The following DIP2A variants were observed in gnomAD, a reference collection of about 807,000 sequenced individuals.
DIP2A encodes the protein DIP2 acetate--CoA ligase A, also known as disco-interacting protein 2 homolog A.
Under a neutral mutation model 177.4 loss-of-function variants are expected in DIP2A, and 85 were observed. The ratio of observed to expected loss-of-function variants is 0.48; its 90% CI spans 0.40 to 0.57. DIP2A has a LOEUF of 0.57. Ranked by LOEUF, DIP2A falls within the 20% of genes least tolerant of loss-of-function variation. DIP2A has a pLI of 0.00. For missense variants in DIP2A, 1,791 were observed against 2,100.2 expected, an observed-to-expected ratio of 0.85 and a Z score of 2.88; for synonymous variants, 886 against 881.8, an observed-to-expected ratio of 1.00 and a Z score of -0.08.
At chr21:46,479,249 A>C (rs1323467823) in intron 1 of DIP2A, among the ~76,000 whole-genome samples, 1 of 152,184 alleles carries the variant, frequency 6.6e-6, no homozygotes, top group Admixed American at 6.5e-5. Flanking sequence ...CACTTCTGTA[A>C]TGTCTTCAGA....
At chr21:46,479,885 C>G (rs1277546889) in intron 1 of DIP2A, among the ~76,000 whole-genome samples, 1 of 152,082 alleles carries the variant, frequency 6.6e-6, no homozygotes, top group Non-Finnish European at 1.5e-5. Flanking sequence ...TGTATTAGAT[C>G]TGTATATTTA....
Position 46,537,143 on chromosome 21 carries a change from C to T in DIP2A, c.1643-81C>T. The T allele has an allele frequency of 7.2e-7, 1 of 1,380,806 alleles. No homozygotes were observed. The highest frequency in any genetic ancestry group is 1.2e-5 in the South Asian group (1 of 86,140). The allele number at this position is 1,380,806 out of a possible 1,614,324, so 85.5% of individuals were successfully genotyped here. A position where few individuals can be genotyped will look rare whatever the true frequency, so the allele number is the denominator to read the frequency against. On this transcript the variant is annotated intron_variant, in intron 13 of 37. Coordinates refer to ENST00000417564, the MANE Select transcript of DIP2A (RefSeq NM_015151.4). The surrounding 1 kb of genome is among the most constrained non-coding windows in gnomAD (Gnocchi z 4.1). The stretch of plus-strand genomic sequence containing the variant: ...GAAACTTACATGTTGATGACGTACT[C>T]ACCTCAGAATTTCTCTAGAAAATGC...
At chr21:46,523,393 A>ATTTTTTTTTTT (rs61370008) in intron 8 of DIP2A, among the ~76,000 whole-genome samples, 840 of 89,918 alleles carry the variant, frequency 9.3e-3, no homozygotes, top group Non-Finnish European at 0.011. Context: ...CGCCTGGCTA[A>ATTTTTTTTTTT]TTTTTTTTTT....
chr21:46,566,943 C>T (rs2060855131), intron 37 of DIP2A, among the ~76,000 whole-genome samples: 1 of 152,266 alleles, frequency 6.6e-6, no homozygotes, highest in Non-Finnish European at 1.5e-5. Context: ...CAGAGCACAC[C>T]TCACTGCCTG....
At chr21:46,496,303 C>T (rs1419629375) in intron 3 of DIP2A, among the ~76,000 whole-genome samples, 1 of 152,144 alleles carries the variant, frequency 6.6e-6, no homozygotes, top group East Asian at 1.9e-4. Context: ...CCATATCCCA[C>T]AGGACTCACG....
intron 8 of DIP2A, among the ~76,000 whole-genome samples, chr21:46,514,419 G>A (rs187705746): frequency 4.8e-5 from 7 of 145,808 alleles, no homozygotes; most frequent in African/African-American, 1.8e-4. Flanking sequence ...CTGGGCGACA[G>A]AGCAAGACTC....
chr21:46,535,623 G>T (rs2148781355), intron 13 of DIP2A, among the ~76,000 whole-genome samples: 1 of 152,252 alleles, frequency 6.6e-6, no homozygotes, highest in East Asian at 1.9e-4. Context: ...TAAAAGCAAG[G>T]GTATAAGTTG....
intron 1 of DIP2A, among the ~76,000 whole-genome samples, chr21:46,480,503 C>T (rs2056272017): frequency 6.6e-6 from 1 of 152,078 alleles, no homozygotes; most frequent in South Asian, 2.1e-4. Flanking sequence ...ATTGTTTCCT[C>T]CTGCTCTGTG....
downstream of DIP2A, among the ~76,000 whole-genome samples, chr21:46,572,399 A>T (rs2148935196): frequency 6.6e-6 from 1 of 152,338 alleles, no homozygotes; most frequent in South Asian, 2.1e-4. Flanking sequence ...ACTTACACCC[A>T]AAATAACTTT....
intron 8 of DIP2A, among the ~76,000 whole-genome samples, chr21:46,525,000 A>G (rs1238527896): frequency 1.7e-4 from 24 of 144,860 alleles, no homozygotes; most frequent in Admixed American, 1.7e-3. Flanking sequence ...ATTATTACGC[A>G]TCAGCCTCCC....
chr21:46,459,904 T>C (rs898267616), intron 1 of DIP2A, among the ~76,000 whole-genome samples: 6 of 151,972 alleles, frequency 3.9e-5, no homozygotes, highest in Non-Finnish European at 7.4e-5. Flanking sequence ...TGACCACTTT[T>C]GCCCCAAGCT....
chr21:46,577,113 A>C, the DIP2A span, among the ~76,000 whole-genome samples: 1 of 152,164 alleles, frequency 6.6e-6, no homozygotes, highest in African/African-American at 2.4e-5. Context: ...TTTGCTGTGC[A>C]GAGGCTCTTC....
intron 32 of DIP2A, chr21:46,559,206 C>A (rs1174841070): frequency 1.3e-5 from 2 of 151,944 alleles, no homozygotes; most frequent in African/African-American, 4.8e-5. Context: ...CAGCTGTTGC[C>A]CAGATTTTGT....
intron 4 of DIP2A, among the ~76,000 whole-genome samples, chr21:46,497,675 C>T (rs1351141455): frequency 6.6e-6 from 1 of 152,172 alleles, no homozygotes; most frequent in Non-Finnish European, 1.5e-5. Context: ...CTAATGACTT[C>T]ACATTCATGA....
At position 46,563,581 on chromosome 21, in the gene DIP2A, AT is replaced by A. The variant is rs2060740085; in HGVS notation, c.4090-275del. ...CAGGTGCGCTGGCATCACCTGGCTG[AT>A]TGTCTTTGTAGGCTTAGTGACCCTC... On this transcript the variant is annotated intron_variant, in intron 34 of 37. Transcript: ENST00000417564. This position sits in a 1 kb window ranked among gnomAD's most constrained non-coding sequence, Gnocchi z 4.3. 2.8e-5 allele frequency: 12 copies of A among 421,424 alleles called. No homozygotes were observed. The South Asian group carries it at 2.9e-4, about 10-fold the overall frequency. The allele number at this position is 421,424 out of a possible 1,614,324, so 26.1% of individuals were successfully genotyped here.
At chr21:46,477,543 T>TTTTTTTTTGTGTGTGTGTGTGTGTG (rs374607636) in intron 1 of DIP2A, among the ~76,000 whole-genome samples, 1 of 87,092 alleles carries the variant, frequency 1.1e-5, no homozygotes, top group Admixed American at 1.4e-4. Flanking sequence ...AAAAAAAGAT[T>TTTTTTTTTGTGTGTGTGTGTGTGTG]TGTGTGTGTG....
At chr21:46,515,389 T>C (rs184428397) in intron 8 of DIP2A, among the ~76,000 whole-genome samples, 34 of 152,340 alleles carry the variant, frequency 2.2e-4, no homozygotes, top group Admixed American at 2.2e-3. Context: ...AGTAATCCTT[T>C]TGCATGCCTG....
At chr21:46,513,852 C>G (rs183402599) in intron 8 of DIP2A, among the ~76,000 whole-genome samples, 58 of 151,980 alleles carry the variant, frequency 3.8e-4, no homozygotes, top group Admixed American at 3.3e-3. Context: ...ATTCCAAAAT[C>G]TAAAAAAAAA....
chr21:46,545,053 C>T (rs368109170), intron 18 of DIP2A, 84 bp from the exon 19 acceptor site: 11 of 1,376,798 alleles, frequency 8.0e-6, no homozygotes, highest in East Asian at 7.3e-5. Flanking sequence ...TTTCCATAAC[C>T]GCACATACAG....
Sources: allele counts gnomAD v4.1 joint callset (sites outside exome capture counted in the v4.1 genomes callset), GRCh38; gene constraint gnomAD v4.1.1; non-coding constraint Gnocchi (gnomAD v3.1); transcripts MANE v1.5; gene names NCBI Gene and HGNC (gene_info 2026-07-23, HGNC 2026-07-21).